The following GBE1 variants were observed in gnomAD, a reference collection of about 807,000 sequenced individuals.
GBE1 encodes the protein 1,4-alpha-glucan-branching enzyme.
A neutral mutation model predicts 88.8 loss-of-function variants in GBE1; 70 were observed. The ratio of observed to expected loss-of-function variants is 0.79; its 90% confidence interval spans 0.65 to 0.96. The LOEUF (loss-of-function observed/expected upper bound fraction) is 0.96, where lower values mean the gene tolerates loss of function less well. Ranked by LOEUF, GBE1 falls within the 40% of genes least tolerant of loss-of-function variation. GBE1 has a pLI of 0.00. For missense variants in GBE1, 872 were observed against 871.0 expected (o/e 1.00, Z -0.01); for synonymous variants, 284 against 300.1 (o/e 0.95, Z 0.56).
chr3:81,609,845 CAT>C (rs1559661764), intron 7 of GBE1, among the ~76,000 whole-genome samples: 1 of 152,140 alleles, frequency 6.6e-6, no homozygotes, highest in Non-Finnish European at 1.5e-5. Context: ...AGATTGTAAA[CAT>C]ATAAATTGCT....
chr3:81,506,598 A>G (rs1702657669), intron 14 of GBE1, among the ~76,000 whole-genome samples: 1 of 152,200 alleles, frequency 6.6e-6, no homozygotes, highest in Non-Finnish European at 1.5e-5. Context: ...AATTCAGTCT[A>G]TTATAAAGAC....
chr3:81,556,880 G>A (rs1335076704), intron 12 of GBE1, among the ~76,000 whole-genome samples: 2 of 151,992 alleles, frequency 1.3e-5, no homozygotes, highest in African/African-American at 4.8e-5. Flanking sequence ...ATAAATTTTA[G>A]GACAACTTAA....
At chr3:81,592,020 A>G (rs934743060) in intron 8 of GBE1, among the ~76,000 whole-genome samples, 2 of 152,146 alleles carry the variant, frequency 1.3e-5, no homozygotes, top group East Asian at 3.8e-4. Context: ...TTAATTGACA[A>G]ATAAAAATTG....
chr3:81,699,807 C>T (rs1002054410), intron 2 of GBE1, among the ~76,000 whole-genome samples: 1 of 152,206 alleles, frequency 6.6e-6, no homozygotes, highest in Non-Finnish European at 1.5e-5. Context: ...CACAGACACA[C>T]CCAGGATTAA....
At chr3:81,748,362 A>G (rs879622106) in intron 1 of GBE1, among the ~76,000 whole-genome samples, 6 of 152,230 alleles carry the variant, frequency 3.9e-5, no homozygotes, top group Admixed American at 3.9e-4. Context: ...CTATAATTAC[A>G]GCACTTTGGA....
intron 1 of GBE1, among the ~76,000 whole-genome samples, chr3:81,716,428 A>T (rs904765773): frequency 3.3e-5 from 5 of 152,132 alleles, no homozygotes; most frequent in Admixed American, 6.6e-5. Context: ...AATTTCTGGC[A>T]CTGGGCCATA....
At chr3:81,629,503 G>T (rs142861227) in intron 7 of GBE1, among the ~76,000 whole-genome samples, 1 of 151,986 alleles carries the variant, frequency 6.6e-6, no homozygotes, top group East Asian at 1.9e-4. Flanking sequence ...TACTAAAAGG[G>T]TTTATTGAAA....
At chr3:81,661,527 T>A (rs185966037) in intron 3 of GBE1, among the ~76,000 whole-genome samples, 1 of 152,320 alleles carries the variant, frequency 6.6e-6, no homozygotes, top group East Asian at 1.9e-4. Context: ...ATACAAACAT[T>A]TTCCCCTTTA....
At chr3:81,651,326 T>G (rs950340801) in intron 3 of GBE1, among the ~76,000 whole-genome samples, 2 of 152,190 alleles carry the variant, frequency 1.3e-5, no homozygotes, top group Non-Finnish European at 2.9e-5. Flanking sequence ...CTCACTTCTC[T>G]TCTCTGAACA....
intron 1 of GBE1, among the ~76,000 whole-genome samples, chr3:81,740,662 A>T (rs1252079518): frequency 6.6e-6 from 1 of 152,168 alleles, no homozygotes; most frequent in East Asian, 1.9e-4. Context: ...TCTTTCTCCA[A>T]CTATACAAAC....
intron 1 of GBE1, among the ~76,000 whole-genome samples, chr3:81,721,201 T>TAAAAAAAA (rs1231652572): frequency 3.1e-5 from 1 of 32,656 alleles, no homozygotes; most frequent in Non-Finnish European, 5.6e-5. Context: ...TAGAGTATAA[T>TAAAAAAAA]AAAAAATAAA....
intron 1 of GBE1, among the ~76,000 whole-genome samples, chr3:81,740,838 A>T (rs1365097278): frequency 6.6e-6 from 1 of 151,998 alleles, no homozygotes; most frequent in African/African-American, 2.4e-5. Flanking sequence ...CACAAACATT[A>T]AAAGCTAAAA....
chr3:81,702,688 G>C (rs560953624), intron 2 of GBE1, among the ~76,000 whole-genome samples: 1 of 152,004 alleles, frequency 6.6e-6, no homozygotes, highest in African/African-American at 2.4e-5. Context: ...TCTTTATAAA[G>C]AGTGGAATTT....
At chr3:81,527,553 G>A (rs538543408) in intron 14 of GBE1, among the ~76,000 whole-genome samples, 17 of 152,174 alleles carry the variant, frequency 1.1e-4, no homozygotes, top group South Asian at 6.2e-4. Context: ...ACAAATGGGC[G>A]AAGGATATGA....
chr3:81,622,382 T>C (rs559544957), intron 7 of GBE1, among the ~76,000 whole-genome samples: 56 of 152,352 alleles, frequency 3.7e-4, no homozygotes, highest in African/African-American at 1.2e-3. Flanking sequence ...CATATCCTTC[T>C]TTATCTTCTT....
At chr3:81,569,949 G>A (rs1703551014) in intron 12 of GBE1, among the ~76,000 whole-genome samples, 2 of 152,006 alleles carry the variant, frequency 1.3e-5, no homozygotes, top group South Asian at 4.2e-4. Context: ...GAGTAGCTGG[G>A]ATTACAGGTG....
At chr3:81,630,646 G>A (rs961837219) in intron 7 of GBE1, among the ~76,000 whole-genome samples, 2 of 152,068 alleles carry the variant, frequency 1.3e-5, no homozygotes, top group African/African-American at 4.8e-5. Context: ...AACTATTTCT[G>A]ATGAAAAATT....
At chr3:81,671,508 A>G (rs543177446) in intron 2 of GBE1, among the ~76,000 whole-genome samples, 3 of 152,274 alleles carry the variant, frequency 2.0e-5, no homozygotes, top group African/African-American at 7.2e-5. Context: ...CAACAAGAGC[A>G]GACTCACACA....
intron 1 of GBE1, among the ~76,000 whole-genome samples, chr3:81,744,151 T>C (rs574463578): frequency 1.3e-5 from 2 of 152,184 alleles, no homozygotes; most frequent in African/African-American, 4.8e-5. Flanking sequence ...CACTGTCTAA[T>C]ATGGTAGCCA....
Sources: gnomAD v4.1 joint callset for allele counts (sites outside exome capture counted in the v4.1 genomes callset) on GRCh38, gnomAD v4.1.1 for gene constraint, MANE v1.5 for transcripts, NCBI Gene and HGNC (gene_info 2026-07-23, HGNC 2026-07-21) for gene names.